BABAM2: variants seen among roughly 807,000 people sequenced by gnomAD.
BABAM2 encodes BRISC and BRCA1-A complex member 2.
BABAM2 carries 31 observed loss-of-function variants against 54.7 expected under a neutral mutation model. That is an observed-to-expected ratio of 0.57 (90% CI 0.43 to 0.77). The LOEUF (loss-of-function observed/expected upper bound fraction) is 0.77, where lower values mean the gene tolerates loss of function less well. BABAM2 is among the 30% of genes least tolerant of loss of function. The pLI is 0.00. For missense variants in BABAM2, 364 were observed against 455.8 expected, an observed-to-expected ratio of 0.80 and a Z score of 1.83; for synonymous variants, 167 against 162.9, an observed-to-expected ratio of 1.03 and a Z score of -0.19.
chr2:28,094,948 T>G (rs1205968423), intron 6 of BABAM2, among the ~76,000 whole-genome samples: 2 of 151,536 alleles, frequency 1.3e-5, no homozygotes, highest in African/African-American at 4.9e-5. Flanking sequence ...GTCTATTATG[T>G]GTTGTATCAT....
At chr2:28,308,577 C>T (rs1688769753) in intron 11 of BABAM2, 2 of 450,044 alleles carry the variant, frequency 4.4e-6, no homozygotes, top group Non-Finnish European at 8.5e-6. Flanking sequence ...ATATTGGGAT[C>T]ATCTAAACTG....
chr2:28,040,058 A>G (rs1676950198), intron 5 of BABAM2, among the ~76,000 whole-genome samples: 1 of 152,170 alleles, frequency 6.6e-6, no homozygotes, highest in African/African-American at 2.4e-5. Context: ...CTTTGACATT[A>G]CAACTGAGTG....
At chr2:27,931,972 A>G (rs1003488455) in intron 3 of BABAM2, among the ~76,000 whole-genome samples, 2 of 152,178 alleles carry the variant, frequency 1.3e-5, no homozygotes, top group Admixed American at 6.5e-5. Flanking sequence ...CCTTGCCTAT[A>G]AATTGCTTGA....
chr2:28,065,249 A>G (rs1271364175), intron 6 of BABAM2, among the ~76,000 whole-genome samples: 1 of 152,132 alleles, frequency 6.6e-6, no homozygotes, highest in Non-Finnish European at 1.5e-5. Context: ...TGAAAATTCC[A>G]CTGGTGCCTC....
intron 7 of BABAM2, among the ~76,000 whole-genome samples, chr2:28,135,408 A>C (rs1002066895): frequency 1.3e-5 from 2 of 150,954 alleles, no homozygotes; most frequent in Admixed American, 6.6e-5. Flanking sequence ...CTTCACTGCT[A>C]CTCCTTCCTT....
intron 9 of BABAM2, among the ~76,000 whole-genome samples, chr2:28,241,776 A>T (rs1682459262): frequency 6.6e-6 from 1 of 151,438 alleles, no homozygotes; most frequent in African/African-American, 2.4e-5. Flanking sequence ...TACAGGCGTG[A>T]GCCACCACAC....
chr2:27,926,391 C>T (rs1169263472), intron 2 of BABAM2, among the ~76,000 whole-genome samples: 1 of 152,118 alleles, frequency 6.6e-6, no homozygotes, highest in Non-Finnish European at 1.5e-5. Flanking sequence ...CCAGATGTAC[C>T]AAGCTTGTTC....
At chr2:27,921,058 C>T (rs549264266) in intron 2 of BABAM2, among the ~76,000 whole-genome samples, 10 of 152,118 alleles carry the variant, frequency 6.6e-5, no homozygotes, top group Admixed American at 2.0e-4. Flanking sequence ...ACATTTGAGT[C>T]GGATCTCAGT....
At chr2:28,086,049 A>T (rs1303748597) in intron 6 of BABAM2, among the ~76,000 whole-genome samples, 1 of 152,210 alleles carries the variant, frequency 6.6e-6, no homozygotes, top group East Asian at 1.9e-4. Flanking sequence ...AGGAAAAAAG[A>T]TAACAGTACA....
chr2:28,190,396 A>G (rs2147916822), intron 7 of BABAM2, among the ~76,000 whole-genome samples: 1 of 152,226 alleles, frequency 6.6e-6, no homozygotes, highest in African/African-American at 2.4e-5. Context: ...CTCTTTTAAA[A>G]GGGCTCTAGG....
intron 11 of BABAM2, among the ~76,000 whole-genome samples, chr2:28,335,187 A>G (rs1429127939): frequency 1.3e-4 from 13 of 97,268 alleles, no homozygotes; most frequent in Admixed American, 4.4e-4. Flanking sequence ...TTTTTGAGAC[A>G]GAGTCTGGCT....
intron 7 of BABAM2, among the ~76,000 whole-genome samples, chr2:28,165,670 G>T (rs1312183447): frequency 2.6e-5 from 4 of 151,696 alleles, no homozygotes; most frequent in Non-Finnish European, 5.9e-5. Flanking sequence ...GAGTAGCTGG[G>T]ATTACAGGCA....
At chr2:28,282,997 C>CAAAAA (rs370484850) in intron 10 of BABAM2, among the ~76,000 whole-genome samples, 29 of 71,898 alleles carry the variant, frequency 4.0e-4, no homozygotes, top group African/African-American at 1.7e-3. Context: ...GACTCCGTCC[C>CAAAAA]AAAAAAAAAA....
chr2:28,265,379 A>T (rs537660510), intron 10 of BABAM2, among the ~76,000 whole-genome samples: 37 of 152,340 alleles, frequency 2.4e-4, no homozygotes, highest in Admixed American at 9.8e-4. Flanking sequence ...GTGAGCTGAG[A>T]TCAGGCCATT....
intron 6 of BABAM2, among the ~76,000 whole-genome samples, chr2:28,070,833 C>T (rs998263453): frequency 2.6e-5 from 4 of 151,988 alleles, no homozygotes; most frequent in African/African-American, 9.7e-5. Flanking sequence ...GAACTTTACT[C>T]TCAAGTAAAG....
rs1688327888 is a variant in BABAM2, at chr2:28,304,186, G to C, written c.1088+5695G>C. On this transcript the variant is annotated intron_variant, in intron 11 of 11. Coordinates refer to ENST00000379624, the MANE Select transcript of BABAM2 (RefSeq NM_199191.3). The surrounding 1 kb of genome is among the most constrained non-coding windows in gnomAD (Gnocchi z 4.0). The stretch of plus-strand genomic sequence containing the variant: ...TTGTCCTGTCTCAGCCTTCCTAGTA[G>C]CTGGGATTACAGGCGCCCGCCACTA... Among the ~76,000 whole-genome samples, 1 of 151,336 alleles carries C rather than the reference G, an allele frequency of 6.6e-6. No individual in the cohort carries two copies. The highest frequency in any genetic ancestry group is 2.1e-4 in the South Asian group (1 of 4,834).
At chr2:28,136,431 A>C (rs1356342835) in intron 7 of BABAM2, among the ~76,000 whole-genome samples, 2 of 152,248 alleles carry the variant, frequency 1.3e-5, no homozygotes, top group East Asian at 3.9e-4. Flanking sequence ...GGCTGGCCCT[A>C]GCCAGGCCCC....
At chr2:28,295,788 C>T (rs1320003713) in intron 10 of BABAM2, among the ~76,000 whole-genome samples, 10 of 151,850 alleles carry the variant, frequency 6.6e-5, no homozygotes, top group Admixed American at 2.6e-4. Context: ...TGAGCCACCG[C>T]GCCCAGCCAC....
intron 3 of BABAM2, among the ~76,000 whole-genome samples, chr2:27,942,522 G>A (rs1242188885): frequency 5.4e-5 from 8 of 148,154 alleles, no homozygotes; most frequent in African/African-American, 1.3e-4. Flanking sequence ...CACCACACCC[G>A]CTAATTTTTG....
Sources: allele counts gnomAD v4.1 joint callset (sites outside exome capture counted in the v4.1 genomes callset), GRCh38; gene constraint gnomAD v4.1.1; non-coding constraint Gnocchi (gnomAD v3.1); transcripts MANE v1.5; gene names NCBI Gene and HGNC (gene_info 2026-07-23, HGNC 2026-07-21).